The following KNTC1 variants were observed in gnomAD, a reference collection of about 807,000 sequenced individuals.
KNTC1 encodes the protein kinetochore associated 1.
Under a neutral mutation model 314.4 loss-of-function variants are expected in KNTC1, and 253 were observed. The ratio of observed to expected loss-of-function variants is 0.80; its 90% CI spans 0.73 to 0.89. The LOEUF is 0.89. Ranked by LOEUF, KNTC1 falls within the 40% of genes least tolerant of loss-of-function variation. The pLI is 0.00. For missense variants in KNTC1, 2,475 were observed against 2,572.9 expected (o/e 0.96, Z 0.82); for synonymous variants, 901 against 901.4 (o/e 1.00, Z 0.01).
chr12:122,536,142 A>C (rs892818253), intron 3 of KNTC1, among the ~76,000 whole-genome samples: 3 of 150,406 alleles, frequency 2.0e-5, no homozygotes, highest in African/African-American at 7.3e-5. Flanking sequence ...TGACCTTGTG[A>C]TCTGCCTGCC....
intron 16 of KNTC1, among the ~76,000 whole-genome samples, chr12:122,555,926 A>G (rs1963556214): frequency 6.6e-6 from 1 of 152,206 alleles, no homozygotes; most frequent in Non-Finnish European, 1.5e-5. Context: ...ATACATTTAC[A>G]TTGTGCAATG....
intron 3 of KNTC1, among the ~76,000 whole-genome samples, chr12:122,535,844 G>A (rs1961764081): frequency 6.6e-6 from 1 of 151,532 alleles, no homozygotes; most frequent in Non-Finnish European, 1.5e-5. Flanking sequence ...TGAATTAAGG[G>A]GTAAGTCAGT....
chr12:122,606,689 T>TA lies in KNTC1; in HGVS notation c.5496+1281dup, dbSNP rs1302739473. 5.3e-5 allele frequency among the ~76,000 whole-genome samples: 8 copies of TA among 152,208 alleles called. No homozygotes were observed. In the South Asian group the frequency reaches 8.3e-4, roughly 16 times the overall value. On this transcript the variant is annotated intron_variant, in intron 51 of 63. Coordinates refer to ENST00000333479, the MANE Select transcript of KNTC1 (RefSeq NM_014708.6). ...AATGTACACAAAAATGCAAAAATAGTAAAAAAAGAATTCCTATATACACCT... is the reference window on the plus strand; with the variant it reads ...AATGTACACAAAAATGCAAAAATAGTAAAAAAAAGAATTCCTATATACACCT...
chr12:122,556,484 CT>C lies in KNTC1; in HGVS notation c.1273-881del, dbSNP rs371272876. On this transcript the variant is annotated intron_variant, in intron 16 of 63. Transcript: ENST00000333479. The stretch of plus-strand genomic sequence containing the variant: ...CTAGTTGTCACCATTCTACTCTCTA[CT>C]TTTTTTTTTTTTTTTTTTGAGATGG... 9.3e-3 allele frequency among the ~76,000 whole-genome samples: 1,050 copies of C among 112,786 alleles called. 8 individuals are homozygous for C. Among genetic ancestry groups the C allele is most frequent in the South Asian group, 0.031 (107 of 3,408 alleles). 74.0% of individuals were successfully genotyped at this position (112,786 alleles called of 152,430 possible).
At chr12:122,573,105 G>C (rs73222285) in intron 25 of KNTC1, 37 bp from the exon 26 acceptor site, 33,849 of 1,613,392 alleles carry the variant, frequency 0.021, 411 homozygotes, top group Non-Finnish European at 0.025. Context: ...GTTATGGGTA[G>C]AGTCTGTATT....
At chr12:122,613,020 A>C (rs1873347844) in intron 53 of KNTC1, 92 bp from the exon 54 acceptor site, 1 of 726,680 alleles carries the variant, frequency 1.4e-6, no homozygotes, top group South Asian at 1.6e-5. Context: ...ATTTTAAAAT[A>C]ATGACGTTGT....
At chr12:122,555,849 A>C (rs1963550680) in intron 16 of KNTC1, among the ~76,000 whole-genome samples, 1 of 152,164 alleles carries the variant, frequency 6.6e-6, no homozygotes, top group African/African-American at 2.4e-5. Flanking sequence ...ACTCTGTCTC[A>C]TAAAAATAAA....
rs762115301 is a variant in KNTC1 at position 122,603,124 on chromosome 12, C to A, written c.4982C>A (p.Thr1661Lys). ...LLKLTQAKSS[T>K]LINKEITKIT... ...AAGTTAACACAAGCTAAATCCTCAA[C>A]ACTGATTAACAAGGAAATAACTAAG... Residue 1661 changes from threonine to lysine, a missense_variant, in exon 48 of 64, where the codon ACA becomes AAA. Transcript: ENST00000333479. The A allele has an allele frequency of 6.2e-6, 10 of 1,613,778 alleles. No individual in the cohort carries two copies. In the Admixed American group the frequency reaches 1.7e-4, roughly 27 times the overall value.
chr12:122,541,918 C>G, intron 5 of KNTC1, 132 bp from the exon 6 acceptor site: 1 of 741,774 alleles, frequency 1.3e-6, no homozygotes, highest in Admixed American at 3.8e-5. Context: ...ACTTGGGAGG[C>G]TGAGGCAGGA....
At chr12:122,608,372 C>T (rs866398360) in intron 51 of KNTC1, among the ~76,000 whole-genome samples, 4 of 152,170 alleles carry the variant, frequency 2.6e-5, no homozygotes, top group Non-Finnish European at 5.9e-5. Context: ...TTAGGTGATT[C>T]ACCCACCTCG....
rs549782912 is a variant in KNTC1 at position 122,587,381 on chromosome 12, TTTGTTTAA to T, written c.3731-329_3731-322del. Among the ~76,000 whole-genome samples, 17 of 152,358 alleles carry T rather than the reference TTTGTTTAA, an allele frequency of 1.1e-4. 1 individual carries two copies. In the East Asian group the frequency reaches 2.3e-3, roughly 21 times the overall value. ...TTTAGTTATTATTTTTACATTGTTATTTGTTTAAAAGTTCAGTAGATTATGTGATTTGG... is the reference window on the plus strand; with the variant it reads ...TTTAGTTATTATTTTTACATTGTTATAAGTTCAGTAGATTATGTGATTTGG... On this transcript the variant is annotated intron_variant, in intron 38 of 63. Transcript: ENST00000333479.
intron 13 of KNTC1, among the ~76,000 whole-genome samples, chr12:122,550,945 A>G (rs1182019201): frequency 1.3e-5 from 2 of 152,160 alleles, no homozygotes; most frequent in Non-Finnish European, 2.9e-5. Context: ...TGCACAGGTA[A>G]TATTGTTTTC....
At chr12:122,601,268 G>A (rs983378914) in intron 44 of KNTC1, among the ~76,000 whole-genome samples, 1 of 151,350 alleles carries the variant, frequency 6.6e-6, no homozygotes, top group African/African-American at 2.4e-5. Flanking sequence ...TGTATTTTTA[G>A]TAGAGACGGG....
chr12:122,533,170 CTT>C (rs1177191171), intron 2 of KNTC1, among the ~76,000 whole-genome samples: 25 of 143,382 alleles, frequency 1.7e-4, no homozygotes, highest in Non-Finnish European at 1.5e-4. Context: ...CGTTCCTTTT[CTT>C]TTTTTTTTTT....
At chr12:122,569,936 A>G (rs1593569770) in intron 22 of KNTC1, 112 bp downstream of exon 22, 3 of 879,022 alleles carry the variant, frequency 3.4e-6, no homozygotes, top group East Asian at 5.0e-5. Flanking sequence ...TTAAGCTAAC[A>G]CCTGTGTTAA....
At chr12:122,528,764 C>A (rs112763596) in intron 1 of KNTC1, among the ~76,000 whole-genome samples, 2 of 152,098 alleles carry the variant, frequency 1.3e-5, no homozygotes, top group Non-Finnish European at 2.9e-5. Flanking sequence ...TCTTATCTTG[C>A]GTAACAGTGT....
intron 16 of KNTC1, among the ~76,000 whole-genome samples, chr12:122,554,936 T>C (rs1027632037): frequency 6.6e-6 from 1 of 152,178 alleles, no homozygotes; most frequent in Admixed American, 6.6e-5. Context: ...TCCCAGCTAC[T>C]TGAGATGCTG....
rs756506538 is a variant in KNTC1, at chr12:122,569,837, C to G, written c.1860+13C>G. The G allele has an allele frequency of 6.3e-7, 1 of 1,597,902 alleles. No homozygotes were observed. Among genetic ancestry groups the G allele is most frequent in the African/African-American group, 1.3e-5 (1 of 74,220 alleles). ...GCCTGAAGGACAGGTGAGTTGTCTT[C>G]AGTATTTCCACTCTTGATGACTTTA... On this transcript the variant is annotated intron_variant, in intron 22 of 63. Transcript: ENST00000333479.
At chr12:122,586,969 C>T (rs1484018500) in intron 38 of KNTC1, among the ~76,000 whole-genome samples, 1 of 152,140 alleles carries the variant, frequency 6.6e-6, no homozygotes, top group Non-Finnish European at 1.5e-5. Flanking sequence ...CGTGTGCCAC[C>T]ACGCCGAGCT....
Sources: allele counts gnomAD v4.1 joint callset (sites outside exome capture counted in the v4.1 genomes callset), GRCh38; gene constraint gnomAD v4.1.1; transcripts MANE v1.5; gene names NCBI Gene and HGNC (gene_info 2026-07-23, HGNC 2026-07-21).